Variants in ERICH6 observed in about 807,000 individuals in gnomAD.
ERICH6 encodes glutamate rich 6, also known as glutamate-rich protein 6.
Under a neutral mutation model 71.0 loss-of-function variants are expected in ERICH6, and 71 were observed. The ratio of observed to expected loss-of-function variants is 1.00; its 90% confidence interval spans 0.83 to 1.22. ERICH6 has a LOEUF of 1.22. Among genes scored for constraint, ERICH6 ranks in the 50% most tolerant of loss-of-function variants. The probability of loss-of-function intolerance (pLI) is 0.00; values close to 1 mark genes in which losing one functional copy is unlikely to be tolerated. For missense variants in ERICH6, 808 were observed against 797.2 expected (o/e 1.01, Z -0.16); for synonymous variants, 262 against 278.4 (o/e 0.94, Z 0.59).
intron 13 of ERICH6, among the ~76,000 whole-genome samples, chr3:150,664,749 A>G (rs1034892469): frequency 4.6e-5 from 7 of 152,126 alleles, no homozygotes; most frequent in African/African-American, 1.7e-4. Flanking sequence ...GAGTTAGAAT[A>G]GAAGAAGAAA....
chr3:150,679,191 C>CT (rs141451567), intron 9 of ERICH6, among the ~76,000 whole-genome samples: 215 of 150,618 alleles, frequency 1.4e-3, no homozygotes, highest in African/African-American at 4.1e-3. Flanking sequence ...CTCTAAGTAT[C>CT]TTTTTTTTTG....
rs931496319 is a variant in ERICH6, at chr3:150,681,060, A to G, written c.883-130T>C. 29 of 936,914 alleles carry G rather than the reference A, an allele frequency of 3.1e-5. No homozygotes were observed. In the African/African-American group the frequency reaches 4.7e-4, roughly 15 times the overall value. 58.0% of individuals were successfully genotyped at this position (936,914 alleles called of 1,614,324 possible). A position where few individuals can be genotyped will look rare whatever the true frequency, so the allele number is the denominator to read the frequency against. Reference sequence around the variant, plus strand: ...TTATTCTGGTAATAGCTTTATTAAGATATAATTCACATACCATACAATTCA... The same window carrying G: ...TTATTCTGGTAATAGCTTTATTAAGGTATAATTCACATACCATACAATTCA... On this transcript the variant is annotated intron_variant, in intron 7 of 13. Transcript: ENST00000295910.
At chr3:150,670,123 T>A (rs1370675126) in intron 11 of ERICH6, among the ~76,000 whole-genome samples, 1 of 152,154 alleles carries the variant, frequency 6.6e-6, no homozygotes. Context: ...ATTTAGTGCT[T>A]TCTTCCTAAG....
At chr3:150,700,108 T>G (rs1359426821) in intron 2 of ERICH6, among the ~76,000 whole-genome samples, 1 of 151,914 alleles carries the variant, frequency 6.6e-6, no homozygotes, top group Admixed American at 6.6e-5. Flanking sequence ...GGAGTCCCGC[T>G]CTGTTGCCCA....
At chr3:150,688,187 G>T (rs533775659) in intron 3 of ERICH6, among the ~76,000 whole-genome samples, 2 of 152,138 alleles carry the variant, frequency 1.3e-5, no homozygotes, top group Non-Finnish European at 2.9e-5. Context: ...AGGTTGGGGG[G>T]CAATGTGGAT....
intron 3 of ERICH6, among the ~76,000 whole-genome samples, chr3:150,693,035 T>C (rs1291213887): frequency 6.6e-6 from 1 of 152,166 alleles, no homozygotes; most frequent in Non-Finnish European, 1.5e-5. Context: ...GCTTAAAACG[T>C]TGCTGATCCT....
chr3:150,670,165 C>G lies in ERICH6; in HGVS notation c.1344-714G>C, dbSNP rs541486038. On this transcript the variant is annotated intron_variant, in intron 11 of 13. Transcript: ENST00000295910. ...AACTAAACAAAAATGTCCACTCTTACTACTTCTATTCAACATCGCACTATT... is the reference window on the plus strand; with the variant it reads ...AACTAAACAAAAATGTCCACTCTTAGTACTTCTATTCAACATCGCACTATT... Among the ~76,000 whole-genome samples, 3 of 152,212 alleles carry G rather than the reference C, an allele frequency of 2.0e-5. No homozygotes were observed. In the East Asian group the frequency reaches 5.8e-4, roughly 29 times the overall value.
chr3:150,659,976 T>G lies in ERICH6; in HGVS notation c.1908A>C (p.Leu636=). 6.2e-7 allele frequency: 1 copy of G among 1,614,196 alleles called. No homozygotes were observed. ...KQPSYLSSLS[L]KLIALCHSSG... is the part of the protein sequence containing the mutation. ...AACTGTGACAAAGGGCAATTAGTTT[T>G]AGAGAAAGTGAAGAAAGGTAGGAAG... is the stretch of plus-strand genomic sequence containing the variant. The change falls in exon 14 of 14, where the codon CTA becomes CTC. Residue 636 remains leucine, a synonymous_variant. Coordinates refer to ENST00000295910, the MANE Select transcript of ERICH6 (RefSeq NM_152394.5).
intron 3 of ERICH6, 99 bp from the exon 4 acceptor site, chr3:150,686,453 A>G: frequency 1.0e-6 from 1 of 958,926 alleles, no homozygotes; most frequent in Non-Finnish European, 1.6e-6. Flanking sequence ...TACCCTTACT[A>G]TGTTTCTTTT....
chr3:150,698,062 T>C (rs546211750), intron 3 of ERICH6, among the ~76,000 whole-genome samples: 1 of 152,334 alleles, frequency 6.6e-6, no homozygotes, highest in African/African-American at 2.4e-5. Flanking sequence ...CTGGGCACCC[T>C]GTGTAAACTT....
At chr3:150,678,866 C>A (rs1711770685) in intron 9 of ERICH6, among the ~76,000 whole-genome samples, 1 of 151,760 alleles carries the variant, frequency 6.6e-6, no homozygotes, top group Admixed American at 6.6e-5. Context: ...CATGGTGAAG[C>A]CCCATCTCTG....
At chr3:150,693,444 A>C (rs1712527629) in intron 3 of ERICH6, among the ~76,000 whole-genome samples, 1 of 152,192 alleles carries the variant, frequency 6.6e-6, no homozygotes, top group South Asian at 2.1e-4. Context: ...ACTTTCTGAC[A>C]GGCCTAGGAG....
At chr3:150,673,038 T>C (rs1711527447) in intron 11 of ERICH6, among the ~76,000 whole-genome samples, 1 of 152,016 alleles carries the variant, frequency 6.6e-6, no homozygotes, top group South Asian at 2.1e-4. Context: ...AAAACAATAG[T>C]AATAAAATGC....
chr3:150,672,717 CA>C (rs945307665), intron 11 of ERICH6, among the ~76,000 whole-genome samples: 27 of 150,550 alleles, frequency 1.8e-4, no homozygotes, highest in African/African-American at 6.1e-4. Flanking sequence ...TCAGAATAGC[CA>C]AAAAAACATA....
chr3:150,703,453 G>A, intron 1 of ERICH6, 43 bp downstream of exon 1: 1 of 1,516,624 alleles, frequency 6.6e-7, no homozygotes. Context: ...GTGCCCCCTG[G>A]AGACGAGAAA....
chr3:150,702,198 A>C lies in ERICH6; in HGVS notation c.404-20T>G. Reference sequence around the variant, plus strand: ...GGAAACCTGTTGAATGAAACATTTAAAAATCAGCTATTCCCTCTAAATCAA... The same window carrying C: ...GGAAACCTGTTGAATGAAACATTTACAAATCAGCTATTCCCTCTAAATCAA... On this transcript the variant is annotated intron_variant, in intron 1 of 13. Coordinates refer to ENST00000295910, the MANE Select transcript of ERICH6 (RefSeq NM_152394.5). 1 of 1,533,874 alleles carries C rather than the reference A, an allele frequency of 6.5e-7. No individual in the cohort carries two copies. The highest frequency in any genetic ancestry group is 1.8e-5 in the Admixed American group (1 of 57,028).
In ERICH6 at chr3:150,689,031, CTGA is replaced by C. The variant is rs202244413; in HGVS notation, c.554-2680_554-2678del. On this transcript the variant is annotated intron_variant, in intron 3 of 13. Coordinates refer to ENST00000295910, the MANE Select transcript of ERICH6 (RefSeq NM_152394.5). ...AGAGGAATTCTGAGTGGAGGTACCC[CTGA>C]TATTTGACAAATCTTCTATCGGTGC... 6.8e-3 allele frequency among the ~76,000 whole-genome samples: 1,040 copies of C among 152,256 alleles called. 14 individuals are homozygous for C. Among genetic ancestry groups the C allele is most frequent in the South Asian group, 0.036 (175 of 4,828 alleles).
intron 4 of ERICH6, 39 bp from the exon 5 acceptor site, chr3:150,686,060 C>G (rs769463157): frequency 8.5e-6 from 13 of 1,533,116 alleles, no homozygotes; most frequent in Non-Finnish European, 1.2e-5. Flanking sequence ...ATGTTTAAAG[C>G]CTTTGTGCAG....
At chr3:150,684,399 T>C (rs1283749454) in intron 6 of ERICH6, among the ~76,000 whole-genome samples, 1 of 152,206 alleles carries the variant, frequency 6.6e-6, no homozygotes, top group East Asian at 1.9e-4. Flanking sequence ...AAAATAGCAA[T>C]GAACACCACC....
Sources: gnomAD v4.1 joint callset for allele counts (sites outside exome capture counted in the v4.1 genomes callset) on GRCh38, gnomAD v4.1.1 for gene constraint, MANE v1.5 for transcripts, NCBI Gene and HGNC (gene_info 2026-07-23, HGNC 2026-07-21) for gene names.